The following DNAH14 variants were observed in gnomAD, a reference collection of about 807,000 sequenced individuals.
The protein encoded by DNAH14 is dynein axonemal heavy chain 14, also known as axonemal beta dynein heavy chain 14.
Under a neutral mutation model 520.9 loss-of-function variants are expected in DNAH14, and 478 were observed. The ratio of observed to expected loss-of-function variants is 0.92; its 90% CI spans 0.85 to 0.99. The LOEUF is 0.99. DNAH14 is among the 50% of genes least tolerant of loss of function. The pLI is 0.00. For missense variants in DNAH14, 4,831 were observed against 5,234.5 expected (o/e 0.92, Z 2.38); for synonymous variants, 1,581 against 1,757.2 (o/e 0.90, Z 2.51).
intron 7 of DNAH14, 42 bp from the exon 8 acceptor site, chr1:224,974,049 T>A: frequency 7.9e-7 from 1 of 1,272,584 alleles, no homozygotes. Flanking sequence ...TATAAATACG[T>A]GGTTTATGGA....
At chr1:225,267,042 T>C (rs1020006834) in intron 49 of DNAH14, among the ~76,000 whole-genome samples, 1 of 152,212 alleles carries the variant, frequency 6.6e-6, no homozygotes, top group African/African-American at 2.4e-5. Flanking sequence ...CAAATAATGC[T>C]CATTATTGTT....
chr1:225,268,190 A>G (rs1158448891), intron 49 of DNAH14, among the ~76,000 whole-genome samples: 1 of 152,186 alleles, frequency 6.6e-6, no homozygotes, highest in East Asian at 1.9e-4. Context: ...AAATCAATAA[A>G]CGTAATCCAT....
chr1:225,308,347 G>A lies in DNAH14; in HGVS notation c.9177G>A (p.Met3059Ile), dbSNP rs1392015779. Residue 3059 changes from methionine (M) to isoleucine (I), a missense_variant, in exon 60 of 86, where the codon ATG becomes ATA. Physicochemically the swap from Met to Ile is conservative, Grantham distance 10. Transcript: ENST00000682510. ...CACAAGTAGTTGAGAAAGTTCAGAT[G>A]CTTGTTAAACAGGATGAAGAAATTG... ...KDSQVVEKVQ[M>I]LVKQDEEIVA... 5 of 1,543,638 alleles carry A rather than the reference G, an allele frequency of 3.2e-6. No individual in the cohort carries two copies. The African/African-American group carries it at 5.5e-5, about 17-fold the overall frequency.
chr1:224,961,529 C>G (rs1436910973), intron 4 of DNAH14, among the ~76,000 whole-genome samples: 1 of 152,086 alleles, frequency 6.6e-6, no homozygotes, highest in African/African-American at 2.4e-5. Flanking sequence ...CAGGCACCTT[C>G]TTCACAGTAT....
At chr1:225,148,563 G>A (rs927210097) in intron 31 of DNAH14, among the ~76,000 whole-genome samples, 4 of 151,666 alleles carry the variant, frequency 2.6e-5, no homozygotes, top group East Asian at 1.9e-4. Context: ...CAGCATGCCC[G>A]GCTAATTTTT....
Position 225,195,676 on chromosome 1 carries a change from C to T in DNAH14, c.5886+2765C>T, listed in dbSNP as rs934374968. On this transcript the variant is annotated intron_variant, in intron 38 of 85. Transcript: ENST00000682510. ...AAAGTTAGAAAAAATAAATAAGGAA[C>T]TATCAACTAAGTAAATGAGGAAAAG... Among the ~76,000 whole-genome samples, 5 of 149,936 alleles carry T rather than the reference C, an allele frequency of 3.3e-5. No homozygotes were observed. The Admixed American group carries it at 3.3e-4, about 10-fold the overall frequency.
intron 8 of DNAH14, among the ~76,000 whole-genome samples, chr1:224,977,321 A>T (rs147326743): frequency 0.033 from 3,809 of 114,146 alleles, 66 homozygotes; most frequent in Non-Finnish European, 0.041. Flanking sequence ...GGAACATCAC[A>T]CTCTGGGGAC....
In DNAH14 at chr1:225,086,209, T is replaced by C. The variant is rs1305344258; in HGVS notation, c.3573+420T>C. On this transcript the variant is annotated intron_variant, in intron 21 of 85. Transcript: ENST00000682510. ...GTGCAGTGGTGCTGTCTCGGCTCAC[T>C]GCAAGCTCCGCCTCCTGGGTTCACG... Among the ~76,000 whole-genome samples, 108 of 152,016 alleles carry C rather than the reference T, an allele frequency of 7.1e-4. 3 individuals carry two copies. The highest frequency in any genetic ancestry group is 7.1e-3 in the Admixed American group (108 of 15,236).
chr1:225,290,216 T>C, intron 55 of DNAH14, 134 bp downstream of exon 55: 1 of 585,916 alleles, frequency 1.7e-6, no homozygotes, highest in Non-Finnish European at 2.7e-6. Context: ...ATATCAGTTT[T>C]CTTGCAGTAT....
intron 77 of DNAH14, among the ~76,000 whole-genome samples, chr1:225,374,217 C>A (rs1215188668): frequency 2.3e-5 from 1 of 43,230 alleles, no homozygotes; most frequent in Non-Finnish European, 4.7e-5. Context: ...TCTAGTAAGA[C>A]AAATGAAATA....
rs182215041 is a variant in DNAH14, at chr1:225,358,646, A to T, written c.11770A>T (p.Thr3924Ser). ...CAGAACTCCGCTGATACTTATTCAA[A>T]CTCATGGTAAGCTATTTGTGAATAG... ...NARTPLILIQ[T>S]HGIDLTNILL... is the part of the protein sequence containing the mutation. The change falls in exon 74 of 86, where the codon ACT becomes TCT. Residue 3924 changes from threonine (T) to serine (S), a missense_variant. Coordinates refer to ENST00000682510, the MANE Select transcript of DNAH14 (RefSeq NM_001367479.1). 2.2e-5 allele frequency: 34 copies of T among 1,546,888 alleles called. No homozygotes were observed. In the African/African-American group the frequency reaches 3.0e-4, roughly 14 times the overall value.
chr1:225,297,787 A>G (rs2094043087), intron 55 of DNAH14, among the ~76,000 whole-genome samples: 1 of 152,166 alleles, frequency 6.6e-6, no homozygotes, highest in Admixed American at 6.5e-5. Context: ...GATCTGGCTC[A>G]CTTGGTTTGG....
At chr1:224,975,597 T>C (rs2061771129) in intron 8 of DNAH14, among the ~76,000 whole-genome samples, 1 of 151,416 alleles carries the variant, frequency 6.6e-6, no homozygotes, top group Non-Finnish European at 1.5e-5. Context: ...TTTTATTGCG[T>C]CTATTTGATT....
intron 5 of DNAH14, among the ~76,000 whole-genome samples, chr1:224,967,114 G>A (rs971575183): frequency 1.3e-5 from 2 of 152,120 alleles, no homozygotes; most frequent in East Asian, 3.9e-4. Flanking sequence ...CTAGAAGATG[G>A]CATATATGTA....
At chr1:224,998,973 G>A (rs1156822539) in intron 8 of DNAH14, among the ~76,000 whole-genome samples, 1 of 151,934 alleles carries the variant, frequency 6.6e-6, no homozygotes, top group Non-Finnish European at 1.5e-5. Flanking sequence ...TGTCTTCTTG[G>A]TGGATTGATG....
chr1:224,951,327 T>C (rs1357065236), intron 1 of DNAH14, among the ~76,000 whole-genome samples: 2 of 152,054 alleles, frequency 1.3e-5, no homozygotes, highest in Non-Finnish European at 2.9e-5. Flanking sequence ...CACCTGGCCT[T>C]GTTGGCTCTT....
chr1:225,270,613 T>C, intron 49 of DNAH14, 122 bp from the exon 50 acceptor site: 2 of 766,580 alleles, frequency 2.6e-6, no homozygotes, highest in Non-Finnish European at 3.7e-6. Flanking sequence ...CAATAAATAG[T>C]AATTAAATCT....
intron 69 of DNAH14, among the ~76,000 whole-genome samples, chr1:225,344,642 AGGTTGATTACAT>A (rs1409344192): frequency 6.6e-6 from 1 of 152,070 alleles, no homozygotes; most frequent in Non-Finnish European, 1.5e-5. Context: ...ATGGGCATTT[AGGTTGATTACAT>A]GCCTTAGCTA....
At chr1:225,380,915 A>G (rs1214510207) in intron 80 of DNAH14, among the ~76,000 whole-genome samples, 3 of 152,370 alleles carry the variant, frequency 2.0e-5, no homozygotes, top group South Asian at 2.1e-4. Context: ...TTGAGTCTCA[A>G]TCAAAGGTCA....
Sources: gnomAD v4.1 joint callset for allele counts (sites outside exome capture counted in the v4.1 genomes callset) on GRCh38, gnomAD v4.1.1 for gene constraint, MANE v1.5 for transcripts, NCBI Gene and HGNC (gene_info 2026-07-23, HGNC 2026-07-21) for gene names.